Variants in ZNF592 observed in about 807,000 individuals in gnomAD.
The protein encoded by ZNF592 is zinc finger protein 592, also known as spinocerebellar ataxia, autosomal recessive 5.
In ZNF592, 11 loss-of-function variants were observed where a neutral mutation model predicts 80.3. The ratio of observed to expected loss-of-function variants is 0.14; its 90% CI spans 0.09 to 0.23. The LOEUF (loss-of-function observed/expected upper bound fraction) is 0.23. ZNF592 is among the 10% of genes least tolerant of loss of function. ZNF592 has a pLI of 1.00. For missense variants in ZNF592, 1,420 were observed against 1,633.9 expected (o/e 0.87, Z 2.26); for synonymous variants, 646 against 640.3 (o/e 1.01, Z -0.13).
At position 84,784,363 on chromosome 15, in the gene ZNF592, A is replaced by G. The variant is rs1253474281; in HGVS notation, c.1688A>G (p.Asn563Ser). 1.2e-6 allele frequency: 2 copies of G among 1,614,026 alleles called. No homozygotes were observed. The highest frequency in any genetic ancestry group is 2.2e-5 in the East Asian group (1 of 44,886). ...TTCAACAAGGTCCTTCACAGCTCCAACCCCGTGCCCCTCTATGCGCCAAAT... is the reference window on the plus strand; with the variant it reads ...TTCAACAAGGTCCTTCACAGCTCCAGCCCCGTGCCCCTCTATGCGCCAAAT... ...EVFNKVLHSSNPVPLYAPNLS... is the reference protein window; with the variant it reads ...EVFNKVLHSSSPVPLYAPNLS... The change falls in exon 4 of 11, where the codon AAC (asparagine) becomes AGC (serine). Residue 563 changes from asparagine to serine, a missense_variant. Physicochemically the swap from Asn to Ser is conservative, Grantham distance 46. This residue lies in a region of ZNF592 where 524 missense variants were observed against 628.3 expected (regional missense o/e 0.83). Transcript: ENST00000560079. This position sits in a 1 kb window ranked among gnomAD's most constrained non-coding sequence, Gnocchi z 5.8.
chr15:84,786,617 C>A (rs1222058336), intron 4 of ZNF592, among the ~76,000 whole-genome samples: 1 of 152,120 alleles, frequency 6.6e-6, no homozygotes, highest in African/African-American at 2.4e-5. Context: ...TGTGGCCTCT[C>A]ATCTCCTCCT....
In ZNF592 at chr15:84,764,767, G is replaced by A. The variant is rs1899452721; in HGVS notation, c.-198G>A. 2 of 398,776 alleles carry A rather than the reference G, an allele frequency of 5.0e-6. No individual in the cohort carries two copies. The highest frequency in any genetic ancestry group is 8.8e-6 in the Non-Finnish European group (2 of 226,072). 24.7% of individuals were successfully genotyped at this position (398,776 alleles called of 1,614,324 possible). A position where few individuals can be genotyped will look rare whatever the true frequency, so the allele number is the denominator to read the frequency against. ...AAGTTTTTCCTTTCTCCGCAGCTCT[G>A]CTCCCCTAGCAACGCTCGCCACACC... On this transcript the variant is annotated 5_prime_UTR_variant, in exon 2 of 11. Coordinates refer to ENST00000560079, the MANE Select transcript of ZNF592 (RefSeq NM_014630.3).
At position 84,759,954 on chromosome 15, in the gene ZNF592, T is replaced by TCC. The variant is rs759072074; in HGVS notation, c.-258-4742_-258-4741dup. Among the ~76,000 whole-genome samples the TCC allele has an allele frequency of 2.1e-3, 105 of 49,700 alleles. 2 individuals are homozygous for TCC. The highest frequency in any genetic ancestry group is 4.6e-3 in the African/African-American group (48 of 10,392). 32.6% of individuals were successfully genotyped at this position (49,700 alleles called of 152,430 possible). ...CCAAGTCTTTAAGGATTGGGGAGATTCCCCCCCCCCCCACCCTGCCATTTA... is the reference window on the plus strand; with the variant it reads ...CCAAGTCTTTAAGGATTGGGGAGATTCCCCCCCCCCCCCCACCCTGCCATTTA... On this transcript the variant is annotated intron_variant, in intron 1 of 10. Transcript: ENST00000560079.
chr15:84,755,353 A>C (rs553540113), intron 1 of ZNF592, among the ~76,000 whole-genome samples: 19 of 152,090 alleles, frequency 1.2e-4, no homozygotes, highest in Non-Finnish European at 1.9e-4. Flanking sequence ...GCTAGCCTCA[A>C]ACTCCTGGGC....
intron 1 of ZNF592, among the ~76,000 whole-genome samples, chr15:84,759,952 A>AT (rs1343820539): frequency 3.3e-5 from 2 of 59,720 alleles, no homozygotes; most frequent in African/African-American, 1.7e-4. Context: ...GATTGGGGAG[A>AT]TTCCCCCCCC....
chr15:84,768,640 C>T lies in ZNF592; in HGVS notation c.-150+3825C>T, dbSNP rs1195006510. Among the ~76,000 whole-genome samples the T allele has an allele frequency of 2.0e-5, 3 of 152,118 alleles. No homozygotes were observed. In the East Asian group the frequency reaches 5.8e-4, roughly 29 times the overall value. ...CTTTCCTCTGGTGTCACACTGATCC[C>T]ATCCTCAAAACAAATGACCTTATGG... On this transcript the variant is annotated intron_variant, in intron 2 of 10. Transcript: ENST00000560079.
chr15:84,753,292 G>A (rs918265519), intron 1 of ZNF592: 2 of 152,148 alleles, frequency 1.3e-5, no homozygotes, highest in Admixed American at 6.5e-5. Flanking sequence ...CAGATGCGTC[G>A]GAAGTTGTTC....
At chr15:84,780,073 T>G (rs1001004024) in intron 3 of ZNF592, among the ~76,000 whole-genome samples, 1 of 145,328 alleles carries the variant, frequency 6.9e-6, no homozygotes, top group African/African-American at 2.5e-5. Context: ...TGCAACCTCC[T>G]CCTCCTGGGT....
intron 4 of ZNF592, among the ~76,000 whole-genome samples, chr15:84,789,472 A>G (rs1214178103): frequency 6.6e-6 from 1 of 152,170 alleles, no homozygotes; most frequent in Non-Finnish European, 1.5e-5. Context: ...GCTAGATCAT[A>G]TGGTACTTCT....
chr15:84,794,075 A>C (rs1386306782), intron 5 of ZNF592, among the ~76,000 whole-genome samples: 5 of 152,028 alleles, frequency 3.3e-5, no homozygotes, highest in African/African-American at 1.2e-4. Context: ...GGAACATCAC[A>C]CACTGGGGCC....
chr15:84,785,429 A>G (rs1451429443), intron 4 of ZNF592, among the ~76,000 whole-genome samples: 1 of 151,798 alleles, frequency 6.6e-6, no homozygotes, highest in Admixed American at 6.6e-5. Context: ...CTTATGCCTC[A>G]GCCTCCCAAG....
Position 84,798,444 on chromosome 15 carries a change from G to A in ZNF592, c.2706G>A (p.Val902=), listed in dbSNP as rs1567077499. 2 of 1,614,102 alleles carry A rather than the reference G, an allele frequency of 1.2e-6. No homozygotes were observed. ...GCCCTGAGTGCCCACTCTTGTTCGTGCAGAAGCCGGAGTTGATGCAACACG... is the reference window on the plus strand; with the variant it reads ...GCCCTGAGTGCCCACTCTTGTTCGTACAGAAGCCGGAGTTGATGCAACACG... ...FKCPECPLLF[V]QKPELMQHVK... Residue 902 remains valine, a synonymous_variant, in exon 7 of 11, where the codon GTG becomes GTA. Coordinates refer to ENST00000560079, the MANE Select transcript of ZNF592 (RefSeq NM_014630.3). This position sits in a 1 kb window ranked among gnomAD's most constrained non-coding sequence, Gnocchi z 4.5.
chr15:84,764,500 A>C (rs561137856), intron 1 of ZNF592, among the ~76,000 whole-genome samples: 194 of 152,284 alleles, frequency 1.3e-3, no homozygotes, highest in African/African-American at 4.6e-3. Flanking sequence ...CCAGCCTGTA[A>C]TAGAGGGAGG....
intron 1 of ZNF592, among the ~76,000 whole-genome samples, chr15:84,762,932 G>C (rs1434085868): frequency 1.3e-5 from 2 of 152,188 alleles, no homozygotes; most frequent in African/African-American, 4.8e-5. Context: ...ATCTAGAACA[G>C]TGTTCTAGAG....
chr15:84,790,228 C>T, intron 4 of ZNF592, among the ~76,000 whole-genome samples: 1 of 152,068 alleles, frequency 6.6e-6, no homozygotes, highest in East Asian at 1.9e-4. Context: ...GTCTCAGATC[C>T]ACTTTGGAAG....
rs779024630 is a variant in ZNF592 at position 84,798,821 on chromosome 15, G to C, written c.2970G>C (p.Glu990Asp). 1 of 1,600,798 alleles carries C rather than the reference G, an allele frequency of 6.2e-7. No homozygotes were observed. Among genetic ancestry groups the C allele is most frequent in the Non-Finnish European group, 8.5e-7 (1 of 1,179,774 alleles). The change falls in exon 8 of 11, where the codon GAG becomes GAC. Residue 990 changes from glutamate (E) to aspartate (D), a missense_variant. Transcript: ENST00000560079. This position sits in a 1 kb window ranked among gnomAD's most constrained non-coding sequence, Gnocchi z 4.5. ...NTGWTCQECQ[E>D]WVPDRESYVS... ...GCTGGACCTGCCAGGAGTGCCAGGA[G>C]TGGGTTCCAGATCGGGAGAGCTACG...
chr15:84,801,727 A>C, intron 10 of ZNF592, 136 bp from the exon 11 acceptor site: 1 of 1,252,654 alleles, frequency 8.0e-7, no homozygotes, highest in Non-Finnish European at 1.1e-6. Context: ...AACAAACCAA[A>C]CGTAAACCAG....
At chr15:84,760,365 T>C (rs1417918241) in intron 1 of ZNF592, among the ~76,000 whole-genome samples, 1 of 152,180 alleles carries the variant, frequency 6.6e-6, no homozygotes, top group Non-Finnish European at 1.5e-5. Context: ...CATGGCTTGC[T>C]CTCTCACTTC....
At chr15:84,766,278 G>A (rs557162468) in intron 2 of ZNF592, among the ~76,000 whole-genome samples, 72 of 152,116 alleles carry the variant, frequency 4.7e-4, no homozygotes, top group Non-Finnish European at 9.0e-4. Context: ...CATTTTATCT[G>A]TAAACATTTC....
Sources: gnomAD v4.1 joint callset for allele counts (sites outside exome capture counted in the v4.1 genomes callset) on GRCh38, gnomAD v4.1.1 for gene constraint, gnomAD v4.1.1 regional missense constraint, Gnocchi (gnomAD v3.1) non-coding constraint, MANE v1.5 for transcripts, NCBI Gene and HGNC (gene_info 2026-07-23, HGNC 2026-07-21) for gene names.